The following CARNMT1 variants were observed in gnomAD, a reference collection of about 807,000 sequenced individuals.
The protein encoded by CARNMT1 is carnosine N-methyltransferase 1, also known as protein-L-histidine N-pros-methyltransferase CARNMT1.
In CARNMT1, 28 loss-of-function variants were observed where a neutral mutation model predicts 49.6. That is an observed-to-expected ratio of 0.56 (90% confidence interval 0.42 to 0.77). The LOEUF (loss-of-function observed/expected upper bound fraction) is 0.77, where lower values mean the gene tolerates loss of function less well. CARNMT1 is among the 30% of genes least tolerant of loss of function. The probability of loss-of-function intolerance (pLI) is 0.00; values close to 1 mark genes in which losing one functional copy is unlikely to be tolerated. For missense variants in CARNMT1, 421 were observed against 512.6 expected (o/e 0.82, Z 1.73); for synonymous variants, 178 against 175.0 (o/e 1.02, Z -0.13).
chr9:75,013,207 T>C (rs944834313), intron 3 of CARNMT1, among the ~76,000 whole-genome samples: 1 of 152,174 alleles, frequency 6.6e-6, no homozygotes. Context: ...CTGGGTATAA[T>C]TTATTATGGT....
chr9:74,999,671 T>C (rs1833297730), intron 4 of CARNMT1, 59 bp downstream of exon 4: 21 of 1,469,144 alleles, frequency 1.4e-5, no homozygotes, highest in Admixed American at 1.0e-4. Flanking sequence ...TTCAAGAAAA[T>C]AGGTAAGTCA....
At position 75,016,308 on chromosome 9, in the gene CARNMT1, T is replaced by C. The variant is rs941015794; in HGVS notation, c.550A>G (p.Ile184Val). 1.9e-6 allele frequency: 3 copies of C among 1,613,614 alleles called. No homozygotes were observed. The African/African-American group carries it at 4.0e-5, about 22-fold the overall frequency. ...AAATTTTTTAAAATTTCTTTAATGA[T>C]TGGCTGGTAACAGGCATCCCTTTCT... ...KAERDACYQP[I>V]IKEILKNFPK... The change falls in exon 3 of 8, where the codon ATC becomes GTC. Residue 184 changes from isoleucine (I) to valine (V), a missense_variant. This residue lies in a region of CARNMT1 where 235 missense variants were observed against 344.8 expected (regional missense o/e 0.68). Transcript: ENST00000376834.
chr9:75,025,229 A>C (rs754671651), intron 1 of CARNMT1, among the ~76,000 whole-genome samples: 2 of 152,148 alleles, frequency 1.3e-5, no homozygotes, highest in Non-Finnish European at 2.9e-5. Context: ...CCATGGTGTT[A>C]TTTAAGGTTT....
At chr9:74,984,526 C>T (rs1339041389) in intron 7 of CARNMT1, among the ~76,000 whole-genome samples, 4 of 152,130 alleles carry the variant, frequency 2.6e-5, no homozygotes, top group South Asian at 2.1e-4. Flanking sequence ...ATGTTTTGAG[C>T]GCCTACATAA....
At chr9:75,005,426 A>G (rs1833473475) in intron 3 of CARNMT1, among the ~76,000 whole-genome samples, 1 of 152,122 alleles carries the variant, frequency 6.6e-6, no homozygotes, top group Non-Finnish European at 1.5e-5. Context: ...AAATATTTTA[A>G]TGACCACAAA....
chr9:74,998,641 A>G lies in CARNMT1; in HGVS notation c.867T>C (p.Phe289=), dbSNP rs1418825952. 2 of 1,599,202 alleles carry G rather than the reference A, an allele frequency of 1.3e-6. No homozygotes were observed. The highest frequency in any genetic ancestry group is 1.7e-6 in the Non-Finnish European group (2 of 1,174,010). The stretch of plus-strand genomic sequence containing the variant: ...CTTGAAAATCTCCTGCTGTCATAGA[A>G]AAGTTAGAACCAGGAGGAAGACTGT... ...DPHSLPPGSN[F]SMTAGDFQEI... The change falls in exon 5 of 8, where the codon TTT becomes TTC. Residue 289 remains phenylalanine, a synonymous_variant. Coordinates refer to ENST00000376834, the MANE Select transcript of CARNMT1 (RefSeq NM_152420.3).
At chr9:75,028,302 G>C (rs938257691), upstream of CARNMT1, 36 of 1,332,578 alleles carry the variant, frequency 2.7e-5, 1 homozygote, top group African/African-American at 3.4e-4. Context: ...GCGTGGTGGC[G>C]GCTGCTTGGC....
intron 3 of CARNMT1, among the ~76,000 whole-genome samples, chr9:75,005,041 A>G (rs1315054708): frequency 6.6e-6 from 1 of 152,214 alleles, no homozygotes; most frequent in East Asian, 1.9e-4. Context: ...TATTTAAATT[A>G]TTAGACATTC....
At chr9:74,987,847 A>T (rs1832890770) in intron 6 of CARNMT1, among the ~76,000 whole-genome samples, 1 of 152,094 alleles carries the variant, frequency 6.6e-6, no homozygotes, top group South Asian at 2.1e-4. Context: ...AATATTTGCT[A>T]ATTTGATATG....
chr9:75,019,194 G>A (rs1278856245), intron 1 of CARNMT1, among the ~76,000 whole-genome samples: 1 of 152,086 alleles, frequency 6.6e-6, no homozygotes, highest in Non-Finnish European at 1.5e-5. Flanking sequence ...GAGGCCTGGG[G>A]AGTCATGCCT....
chr9:74,983,921 C>T, intron 7 of CARNMT1, 53 bp from the exon 8 acceptor site: 4 of 1,254,886 alleles, frequency 3.2e-6, no homozygotes, highest in Non-Finnish European at 4.4e-6. Context: ...GACCACACCA[C>T]TAACAAATTC....
Sources: allele counts gnomAD v4.1 joint callset (sites outside exome capture counted in the v4.1 genomes callset), GRCh38; gene constraint gnomAD v4.1.1; regional missense constraint gnomAD v4.1.1; transcripts MANE v1.5; gene names NCBI Gene and HGNC (gene_info 2026-07-23, HGNC 2026-07-21).